CHN1: variants seen among roughly 807,000 people sequenced by gnomAD.
The protein encoded by CHN1 is N-chimaerin.
CHN1 carries 37 observed loss-of-function variants against 59.5 expected under a neutral mutation model. That is an observed-to-expected ratio of 0.62 (90% CI 0.48 to 0.82). The LOEUF is 0.82. Among genes scored for constraint, CHN1 ranks in the 40% least tolerant of loss-of-function variants. The pLI, the probability that CHN1 is intolerant of heterozygous loss-of-function variation, is 0.00. For missense variants in CHN1, 469 were observed against 571.0 expected (o/e 0.82, Z 1.82); for synonymous variants, 206 against 200.4 (o/e 1.03, Z -0.24).
rs568084334 is a variant in CHN1 at position 174,878,186 on chromosome 2, T to C, written c.261-58A>G. ...GAAAAGTAAGCAACTGAATTCTTTC[T>C]GAAAAAAAAACAAAAACAAAAAAAA... On this transcript the variant is annotated intron_variant, in intron 5 of 12. Transcript: ENST00000409900. 17 of 1,437,202 alleles carry C rather than the reference T, an allele frequency of 1.2e-5. No homozygotes were observed. In the African/African-American group the frequency reaches 2.2e-4, roughly 18 times the overall value. 89.0% of individuals were successfully genotyped at this position (1,437,202 alleles called of 1,614,324 possible). A position where few individuals can be genotyped will look rare whatever the true frequency, so the allele number is the denominator to read the frequency against.
At chr2:174,828,377 C>T (rs1451464380) in intron 7 of CHN1, among the ~76,000 whole-genome samples, 3 of 152,146 alleles carry the variant, frequency 2.0e-5, no homozygotes, top group South Asian at 2.1e-4. Flanking sequence ...TTACGTGCGT[C>T]GTTATGCTTT....
At chr2:174,922,638 C>A (rs913923753) in intron 3 of CHN1, among the ~76,000 whole-genome samples, 10 of 152,086 alleles carry the variant, frequency 6.6e-5, no homozygotes, top group African/African-American at 2.4e-4. Context: ...CTGCAGTGAG[C>A]CATGATCACA....
chr2:174,802,009 A>G (rs1278028439), intron 11 of CHN1, 197 bp from the exon 12 acceptor site: 4 of 444,460 alleles, frequency 9.0e-6, no homozygotes, highest in Non-Finnish European at 1.7e-5. Flanking sequence ...CAATGTGGCA[A>G]CACTATTTAC....
chr2:174,978,395 T>C (rs1351851202), intron 1 of CHN1, among the ~76,000 whole-genome samples: 2 of 152,238 alleles, frequency 1.3e-5, no homozygotes, highest in African/African-American at 2.4e-5. Context: ...TGCAAGCCCC[T>C]TGTTCAAAAA....
intron 1 of CHN1, among the ~76,000 whole-genome samples, chr2:174,953,715 CTT>C (rs1690099488): frequency 6.6e-6 from 1 of 152,154 alleles, no homozygotes; most frequent in East Asian, 1.9e-4. Flanking sequence ...ACCAAAAAAA[CTT>C]AGGAATACAC....
At chr2:174,991,047 T>G (rs1485295056) in intron 1 of CHN1, among the ~76,000 whole-genome samples, 1 of 152,178 alleles carries the variant, frequency 6.6e-6, no homozygotes, top group Non-Finnish European at 1.5e-5. Flanking sequence ...TTTAAAAGGG[T>G]CATGGTTTAA....
chr2:174,960,991 G>A (rs1321118953), intron 1 of CHN1, among the ~76,000 whole-genome samples: 1 of 151,918 alleles, frequency 6.6e-6, no homozygotes, highest in South Asian at 2.1e-4. Flanking sequence ...AAAAAAATCA[G>A]GTGGCGCGTG....
intron 2 of CHN1, among the ~76,000 whole-genome samples, chr2:174,949,676 T>C (rs1231525446): frequency 6.6e-6 from 1 of 152,174 alleles, no homozygotes; most frequent in Non-Finnish European, 1.5e-5. Context: ...GCAATTTTTA[T>C]GTTTCCTCAT....
Position 174,981,792 on chromosome 2 carries a change from C to T in CHN1, c.19+23102G>A, listed in dbSNP as rs115097307. Among the ~76,000 whole-genome samples, 1,059 of 152,040 alleles carry T rather than the reference C, an allele frequency of 7.0e-3. 16 individuals are homozygous for T. The highest frequency in any genetic ancestry group is 0.024 in the African/African-American group (1,011 of 41,476). On this transcript the variant is annotated intron_variant, in intron 1 of 12. Transcript: ENST00000409900. ...TGTGAAGTACAGTATCAAATACACA[C>T]GAATTTTTTTTTTATTATTATACTT... is the stretch of plus-strand genomic sequence containing the variant.
chr2:174,809,746 C>T (rs1403567946), intron 10 of CHN1, among the ~76,000 whole-genome samples: 1 of 152,188 alleles, frequency 6.6e-6, no homozygotes, highest in Non-Finnish European at 1.5e-5. Flanking sequence ...ATCAGCAAGA[C>T]GTCTATAACA....
At chr2:174,879,287 G>A (rs1363214247) in intron 5 of CHN1, among the ~76,000 whole-genome samples, 2 of 152,180 alleles carry the variant, frequency 1.3e-5, no homozygotes, top group African/African-American at 4.8e-5. Flanking sequence ...TGGAAATAAA[G>A]TATGGAAAGG....
intron 1 of CHN1, among the ~76,000 whole-genome samples, chr2:174,987,723 C>T (rs949101037): frequency 2.0e-5 from 3 of 152,072 alleles, no homozygotes; most frequent in African/African-American, 4.8e-5. Flanking sequence ...CATGAGCCAC[C>T]GTGCTTGGCA....
chr2:174,990,260 TGTGAGAGA>T (rs1239818438), intron 1 of CHN1, among the ~76,000 whole-genome samples: 104 of 98,694 alleles, frequency 1.1e-3, no homozygotes, highest in African/African-American at 2.8e-3. Flanking sequence ...TGTGTGTGTG[TGTGAGAGA>T]GAGAGAGAGA....
At chr2:174,882,644 C>T (rs74474704) in intron 5 of CHN1, among the ~76,000 whole-genome samples, 10 of 152,264 alleles carry the variant, frequency 6.6e-5, no homozygotes, top group African/African-American at 2.2e-4. Flanking sequence ...ACAACACACT[C>T]GTCTAAGCTT....
chr2:174,861,287 C>T (rs1687060847), intron 6 of CHN1, among the ~76,000 whole-genome samples: 1 of 152,096 alleles, frequency 6.6e-6, no homozygotes, highest in Admixed American at 6.5e-5. Flanking sequence ...TTTTAGTACC[C>T]AGCATGCAGA....
intron 1 of CHN1, among the ~76,000 whole-genome samples, chr2:174,976,121 C>T (rs1424806824): frequency 4.2e-5 from 3 of 70,684 alleles, no homozygotes; most frequent in Non-Finnish European, 8.1e-5. Context: ...GGCAAGACTC[C>T]GTCTCAAAAA....
chr2:174,919,366 C>G, intron 3 of CHN1, among the ~76,000 whole-genome samples: 1 of 152,148 alleles, frequency 6.6e-6, no homozygotes, highest in Non-Finnish European at 1.5e-5. Flanking sequence ...TAGCAAAGCT[C>G]TCTCTGAGAT....
chr2:174,857,767 A>T (rs891283492), intron 6 of CHN1, among the ~76,000 whole-genome samples: 1 of 152,106 alleles, frequency 6.6e-6, no homozygotes, highest in Non-Finnish European at 1.5e-5. Context: ...CCAATTTTTG[A>T]CACCTATTAC....
intron 6 of CHN1, chr2:174,875,911 A>C: frequency 1.3e-6 from 1 of 789,786 alleles, no homozygotes; most frequent in Non-Finnish European, 1.5e-6. Flanking sequence ...ATTTTAAGCC[A>C]GCTAGATTTA....
Sources: gnomAD v4.1 joint callset for allele counts (sites outside exome capture counted in the v4.1 genomes callset) on GRCh38, gnomAD v4.1.1 for gene constraint, MANE v1.5 for transcripts, NCBI Gene and HGNC (gene_info 2026-07-23, HGNC 2026-07-21) for gene names.